Variants in METTL16 observed in about 807,000 individuals in gnomAD.
METTL16 encodes RNA N(6)-adenosine-methyltransferase METTL16.
METTL16 carries 19 observed loss-of-function variants against 57.9 expected under a neutral mutation model. The observed-to-expected ratio is 0.33, with a 90% CI of 0.23 to 0.48. The LOEUF (loss-of-function observed/expected upper bound fraction) is 0.48. Among genes scored for constraint, METTL16 ranks in the 20% least tolerant of loss-of-function variants. METTL16 has a pLI of 0.99. For missense variants in METTL16, 434 were observed against 691.5 expected (o/e 0.63, Z 4.18); for synonymous variants, 246 against 255.6 (o/e 0.96, Z 0.36).
chr17:2,447,044 C>A (rs1482394019), intron 6 of METTL16, among the ~76,000 whole-genome samples: 1 of 149,146 alleles, frequency 6.7e-6, no homozygotes, highest in Non-Finnish European at 1.5e-5. Context: ...GGCCACCCAT[C>A]GTCTGGGATA....
chr17:2,499,258 T>C (rs549751452), intron 2 of METTL16, among the ~76,000 whole-genome samples: 130 of 151,492 alleles, frequency 8.6e-4, no homozygotes, highest in African/African-American at 2.2e-3. Flanking sequence ...GGCTAATCAA[T>C]AGGTTTTTGT....
chr17:2,458,808 T>TC (rs1412005280), intron 6 of METTL16, among the ~76,000 whole-genome samples: 1 of 151,330 alleles, frequency 6.6e-6, no homozygotes, highest in Non-Finnish European at 1.5e-5. Context: ...TGAGTCCCTT[T>TC]TTTTTTTTTC....
chr17:2,447,699 G>C (rs1418006533), intron 6 of METTL16, among the ~76,000 whole-genome samples: 9 of 143,524 alleles, frequency 6.3e-5, no homozygotes, highest in African/African-American at 1.9e-4. Flanking sequence ...CGTCCGGGAG[G>C]GGGGAGGGGG....
chr17:2,432,647 A>C (rs1363412972), intron 8 of METTL16, among the ~76,000 whole-genome samples: 2 of 151,692 alleles, frequency 1.3e-5, no homozygotes, highest in East Asian at 1.9e-4. Flanking sequence ...AGTTTTCACA[A>C]AAAAAAAACT....
chr17:2,422,168 T>C (rs1466483240), intron 8 of METTL16, among the ~76,000 whole-genome samples: 1 of 151,550 alleles, frequency 6.6e-6, no homozygotes, highest in Non-Finnish European at 1.5e-5. Context: ...AAAAATTAGC[T>C]GGGCATGGGG....
At chr17:2,423,932 A>C (rs1001241251) in intron 8 of METTL16, among the ~76,000 whole-genome samples, 1 of 152,176 alleles carries the variant, frequency 6.6e-6, no homozygotes, top group African/African-American at 2.4e-5. Flanking sequence ...CAGAAATCAC[A>C]AAATCGACAA....
chr17:2,458,409 T>TAA (rs942623276), intron 6 of METTL16, among the ~76,000 whole-genome samples: 1 of 119,052 alleles, frequency 8.4e-6, no homozygotes, highest in Admixed American at 8.1e-5. Flanking sequence ...GAGAATAAAT[T>TAA]AAAAAAAAAA....
chr17:2,423,685 G>T (rs2066786204), intron 8 of METTL16, among the ~76,000 whole-genome samples: 2 of 152,032 alleles, frequency 1.3e-5, no homozygotes, highest in Admixed American at 1.3e-4. Flanking sequence ...TACAAGCATG[G>T]CTAAAAGGGC....
chr17:2,441,557 C>G lies in METTL16; in HGVS notation c.731G>C (p.Trp244Ser), dbSNP rs1303044166. The change falls in exon 7 of 10, where the codon TGG (tryptophan) becomes TCG (serine). Residue 244 changes from tryptophan (W) to serine (S), a missense_variant and splice_region_variant. This residue lies in a region of METTL16 where 96 missense variants were observed against 138.3 expected (regional missense o/e 0.69). Transcript: ENST00000263092. ...TTTCTTTCCCAGCATGCAGCTATAC[C>G]ATCTAGGAAAAAAAAAATCAGACAA... ...DSLQLKKRLR[W>S]YSCMLGKKCS... 2.6e-6 allele frequency: 4 copies of G among 1,558,876 alleles called. No individual in the cohort carries two copies. The highest frequency in any genetic ancestry group is 3.5e-6 in the Non-Finnish European group (4 of 1,152,718).
intron 1 of METTL16, 105 bp from the exon 2 acceptor site, chr17:2,502,436 C>A: frequency 9.7e-7 from 1 of 1,035,194 alleles, no homozygotes; most frequent in Non-Finnish European, 1.4e-6. Context: ...TTTGGGAGGC[C>A]AAGGTAAGTA....
chr17:2,469,258 A>T (rs2067221766), intron 4 of METTL16, among the ~76,000 whole-genome samples: 1 of 152,106 alleles, frequency 6.6e-6, no homozygotes, highest in South Asian at 2.1e-4. Flanking sequence ...AAATAAAAAT[A>T]AATAAATAAA....
chr17:2,422,278 G>A (rs1249813383), intron 8 of METTL16, among the ~76,000 whole-genome samples: 5 of 149,810 alleles, frequency 3.3e-5, no homozygotes, highest in East Asian at 4.0e-4. Context: ...GCAGTGAGCC[G>A]AGATTGTGCC....
chr17:2,491,912 A>G (rs1312315454), intron 2 of METTL16, among the ~76,000 whole-genome samples: 1 of 144,148 alleles, frequency 6.9e-6, no homozygotes, highest in Non-Finnish European at 1.5e-5. Context: ...TAAAATAAAT[A>G]AAAATAAAAA....
chr17:2,507,917 G>A (rs540718282), intron 1 of METTL16, among the ~76,000 whole-genome samples: 500 of 152,280 alleles, frequency 3.3e-3, no homozygotes, highest in African/African-American at 0.011. Flanking sequence ...TTAAACAGAT[G>A]CTTGAAGGCA....
At chr17:2,472,174 G>A (rs2067240015) in intron 4 of METTL16, among the ~76,000 whole-genome samples, 1 of 149,890 alleles carries the variant, frequency 6.7e-6, no homozygotes. Context: ...ATATACAGAT[G>A]GTAAATAAGC....
At chr17:2,499,650 C>T (rs780924489) in intron 2 of METTL16, among the ~76,000 whole-genome samples, 1 of 152,008 alleles carries the variant, frequency 6.6e-6, no homozygotes, top group Non-Finnish European at 1.5e-5. Flanking sequence ...TACCTGAAGT[C>T]CTATTTAAAT....
At chr17:2,458,737 C>T (rs2067128538) in intron 6 of METTL16, among the ~76,000 whole-genome samples, 1 of 151,948 alleles carries the variant, frequency 6.6e-6, no homozygotes, top group Admixed American at 6.6e-5. Context: ...CACACTCACA[C>T]ACAATTCAGG....
intron 2 of METTL16, among the ~76,000 whole-genome samples, chr17:2,491,546 T>C (rs531284427): frequency 2.0e-3 from 305 of 152,256 alleles, no homozygotes; most frequent in Non-Finnish European, 2.6e-3. Flanking sequence ...CTACCCAGCA[T>C]GATAAAGCCC....
intron 5 of METTL16, among the ~76,000 whole-genome samples, chr17:2,465,561 A>G (rs1256899544): frequency 6.8e-6 from 1 of 147,998 alleles, no homozygotes; most frequent in Non-Finnish European, 1.5e-5. Context: ...AAAAAAAAAA[A>G]AAAAAAAAAA....
Sources: allele counts gnomAD v4.1 joint callset (sites outside exome capture counted in the v4.1 genomes callset), GRCh38; gene constraint gnomAD v4.1.1; regional missense constraint gnomAD v4.1.1; transcripts MANE v1.5; gene names NCBI Gene and HGNC (gene_info 2026-07-23, HGNC 2026-07-21).